RHOBTB3: variants seen among roughly 807,000 people sequenced by gnomAD.
RHOBTB3 encodes the protein Rho related BTB domain containing 3.
Under a neutral mutation model 67.2 loss-of-function variants are expected in RHOBTB3, and 47 were observed. That is an observed-to-expected ratio of 0.70 (90% CI 0.55 to 0.89). RHOBTB3 has a LOEUF of 0.89. Ranked by LOEUF, RHOBTB3 falls within the 40% of genes least tolerant of loss-of-function variation. The pLI, the probability that RHOBTB3 is intolerant of heterozygous loss-of-function variation, is 0.00. For synonymous variants in RHOBTB3, 273 were observed against 274.2 expected (o/e 1.00, Z 0.04); for missense variants, 631 against 750.0 (o/e 0.84, Z 1.85).
At chr5:95,774,993 G>A (rs1042875055) in intron 8 of RHOBTB3, among the ~76,000 whole-genome samples, 13 of 152,054 alleles carry the variant, frequency 8.5e-5, no homozygotes, top group African/African-American at 2.9e-4. Context: ...TTTGGTATTG[G>A]TATTCACAGC....
intron 1 of RHOBTB3, 55 bp downstream of exon 1, chr5:95,731,739 C>T: frequency 2.5e-6 from 4 of 1,611,628 alleles, no homozygotes; most frequent in East Asian, 4.5e-5. Context: ...GCCGTGCGCC[C>T]CAGGGACAGG....
intron 3 of RHOBTB3, among the ~76,000 whole-genome samples, chr5:95,746,602 A>T (rs187729733): frequency 9.2e-5 from 14 of 152,336 alleles, no homozygotes; most frequent in Admixed American, 7.8e-4. Flanking sequence ...TTAATTTTTA[A>T]ATCACTGTAT....
At position 95,731,856 on chromosome 5, in the gene RHOBTB3, C is replaced by T. The variant is rs201041959; in HGVS notation, c.3-3C>T. On this transcript the variant is annotated splice_region_variant and splice_polypyrimidine_tract_variant and intron_variant, in intron 1 of 11. Coordinates refer to ENST00000379982, the MANE Select transcript of RHOBTB3 (RefSeq NM_014899.4). The stretch of plus-strand genomic sequence containing the variant: ...TCTCCCCTCGCCCCCTCTGTCCGTG[C>T]AGGTCCATCCACATCGTGGCGCTGG... 3.5e-5 allele frequency: 57 copies of T among 1,611,226 alleles called. No homozygotes were observed. The East Asian group carries it at 1.2e-3, about 33-fold the overall frequency.
At chr5:95,790,099 A>T (rs539480041) in intron 11 of RHOBTB3, among the ~76,000 whole-genome samples, 1 of 152,376 alleles carries the variant, frequency 6.6e-6, no homozygotes, top group Admixed American at 6.5e-5. Context: ...CAGTCAACAA[A>T]CATTATATGT....
intron 2 of RHOBTB3, among the ~76,000 whole-genome samples, chr5:95,736,007 C>T (rs1755446206): frequency 1.3e-5 from 2 of 152,052 alleles, no homozygotes; most frequent in African/African-American, 4.8e-5. Flanking sequence ...GAGGCTGAGG[C>T]ACAGGAATTG....
At chr5:95,747,347 G>T (rs1744951694) in intron 3 of RHOBTB3, among the ~76,000 whole-genome samples, 1 of 152,122 alleles carries the variant, frequency 6.6e-6, no homozygotes, top group African/African-American at 2.4e-5. Context: ...TCACCCCTGA[G>T]AAGCGTTATT....
chr5:95,738,765 G>A (rs1323801930), intron 3 of RHOBTB3, among the ~76,000 whole-genome samples: 2 of 151,692 alleles, frequency 1.3e-5, no homozygotes, highest in African/African-American at 4.8e-5. Flanking sequence ...AGCACAAAAC[G>A]GACTAAGACA....
intron 8 of RHOBTB3, chr5:95,768,849 G>C (rs946997684): frequency 6.4e-6 from 1 of 157,296 alleles, no homozygotes; most frequent in Non-Finnish European, 1.4e-5. Flanking sequence ...TCTAAAGAAT[G>C]TGGTGGGAGC....
chr5:95,778,118 C>CAA (rs531257016), intron 8 of RHOBTB3, among the ~76,000 whole-genome samples: 13 of 136,520 alleles, frequency 9.5e-5, no homozygotes, highest in South Asian at 6.9e-4. Flanking sequence ...GACTCTATCT[C>CAA]AAAAAAAAAA....
At chr5:95,733,517 G>A (rs1755366919) in intron 2 of RHOBTB3, among the ~76,000 whole-genome samples, 1 of 152,228 alleles carries the variant, frequency 6.6e-6, no homozygotes, top group African/African-American at 2.4e-5. Flanking sequence ...TTTGCAAACA[G>A]TAATGCTTGT....
intron 9 of RHOBTB3, among the ~76,000 whole-genome samples, chr5:95,783,126 A>C (rs1323924901): frequency 6.8e-6 from 1 of 147,608 alleles, no homozygotes; most frequent in Non-Finnish European, 1.5e-5. Context: ...TTTTATTTTT[A>C]TTTTTATTTT....
chr5:95,735,121 G>T (rs998840389), intron 2 of RHOBTB3, among the ~76,000 whole-genome samples: 1 of 152,148 alleles, frequency 6.6e-6, no homozygotes, highest in Non-Finnish European at 1.5e-5. Context: ...GAGCTGTGTG[G>T]TTTGGGATTT....
At chr5:95,753,148 A>G (rs902534919) in intron 5 of RHOBTB3, among the ~76,000 whole-genome samples, 13 of 151,828 alleles carry the variant, frequency 8.6e-5, no homozygotes, top group Non-Finnish European at 1.8e-4. Flanking sequence ...AAAAAAAAAA[A>G]GAAAGTGTTT....
chr5:95,718,201 G>T (rs1310904959), intron 1 of RHOBTB3, among the ~76,000 whole-genome samples: 1 of 152,124 alleles, frequency 6.6e-6, no homozygotes. Flanking sequence ...GCCGTATGGG[G>T]AAGAAAGAAT....
chr5:95,766,866 C>G (rs756181325), intron 7 of RHOBTB3, among the ~76,000 whole-genome samples: 19 of 152,156 alleles, frequency 1.2e-4, no homozygotes, highest in African/African-American at 3.9e-4. Flanking sequence ...TTTATAGGTT[C>G]TAGTGGGCTC....
intron 9 of RHOBTB3, chr5:95,782,317 T>G (rs1277578179): frequency 6.6e-6 from 1 of 152,142 alleles, no homozygotes; most frequent in Admixed American, 6.5e-5. Flanking sequence ...AAAAACCAGA[T>G]TTCTAGGGAA....
intron 8 of RHOBTB3, among the ~76,000 whole-genome samples, chr5:95,768,663 G>A (rs1198030251): frequency 3.3e-5 from 5 of 152,184 alleles, no homozygotes; most frequent in African/African-American, 1.2e-4. Flanking sequence ...GGCACCCATA[G>A]ATATTGCTAC....
chr5:95,761,221 A>G (rs1313763558), intron 6 of RHOBTB3, among the ~76,000 whole-genome samples: 1 of 152,206 alleles, frequency 6.6e-6, no homozygotes, highest in Non-Finnish European at 1.5e-5. Flanking sequence ...CAGAGACAGT[A>G]CTTATGTTCT....
intron 10 of RHOBTB3, among the ~76,000 whole-genome samples, chr5:95,788,430 G>C (rs1746283247): frequency 1.3e-5 from 2 of 152,164 alleles, no homozygotes; most frequent in Admixed American, 6.5e-5. Context: ...TGCAGTTATT[G>C]AAGTCCGTGG....
Sources: gnomAD v4.1 joint callset for allele counts (sites outside exome capture counted in the v4.1 genomes callset) on GRCh38, gnomAD v4.1.1 for gene constraint, MANE v1.5 for transcripts, NCBI Gene and HGNC (gene_info 2026-07-23, HGNC 2026-07-21) for gene names.